Variants in BNC2 observed in about 807,000 individuals in gnomAD.
The protein encoded by BNC2 is zinc finger protein basonuclin-2.
A neutral mutation model predicts 76.3 loss-of-function variants in BNC2; 20 were observed. The ratio of observed to expected loss-of-function variants is 0.26; its 90% CI spans 0.18 to 0.38. The LOEUF is 0.38. Ranked by LOEUF, BNC2 falls within the 10% of genes least tolerant of loss-of-function variation. BNC2 has a pLI of 1.00. For synonymous variants in BNC2, 582 were observed against 514.8 expected (o/e 1.13, Z -1.77); for missense variants, 1,382 against 1,399.8 (o/e 0.99, Z 0.20).
chr9:16,503,143 G>C (rs1459259157), intron 5 of BNC2, among the ~76,000 whole-genome samples: 1 of 152,160 alleles, frequency 6.6e-6, no homozygotes, highest in East Asian at 1.9e-4. Flanking sequence ...AAGAATATAA[G>C]AGGAAAAACA....
rs2119000504 is a variant in BNC2, at chr9:16,417,669, G to A, written c.*1320C>T. On this transcript the variant is annotated 3_prime_UTR_variant, in exon 7 of 7. Coordinates refer to ENST00000380672, the MANE Select transcript of BNC2 (RefSeq NM_017637.6). ...AGAGGATTTCTTTTTAAAGGATAAG[G>A]GTTAGGGCCTTGGAAATGAGTGTTC... 1 of 152,684 alleles carries A rather than the reference G, an allele frequency of 6.5e-6. No homozygotes were observed. The highest frequency in any genetic ancestry group is 1.9e-4 in the East Asian group (1 of 5,190). The allele number at this position is 152,684 out of a possible 1,614,324, so 9.5% of individuals were successfully genotyped here.
chr9:16,435,745 G>A lies in BNC2; in HGVS notation c.2449C>T (p.Pro817Ser). ...SFTSSLNYGS[P>S]QKFSPEGDLC... is the part of the protein sequence containing the mutation. The stretch of plus-strand genomic sequence containing the variant: ...TCACCTTCTGGGGAGAACTTTTGAG[G>A]GCTGCCATAATTCAGAGACGATGTA... The change falls in exon 6 of 7, where the codon CCT (proline) becomes TCT (serine). Residue 817 changes from proline to serine, a missense_variant. Pro to Ser is a moderately conservative substitution (Grantham distance 74). Coordinates refer to ENST00000380672, the MANE Select transcript of BNC2 (RefSeq NM_017637.6). The A allele has an allele frequency of 6.2e-7, 1 of 1,614,044 alleles. No homozygotes were observed. The highest frequency in any genetic ancestry group is 1.1e-5 in the South Asian group (1 of 91,052).
chr9:16,734,287 C>T (rs767995875), intron 2 of BNC2, among the ~76,000 whole-genome samples: 2 of 152,136 alleles, frequency 1.3e-5, no homozygotes, highest in African/African-American at 2.4e-5. Context: ...TCTTTGGAAA[C>T]GCCTATATTC....
chr9:16,571,650 G>A (rs377270497), intron 4 of BNC2, among the ~76,000 whole-genome samples: 4 of 151,932 alleles, frequency 2.6e-5, no homozygotes, highest in African/African-American at 9.7e-5. Context: ...TCAGCACCCC[G>A]AGATAATAAC....
chr9:16,433,963 T>C (rs561683530), intron 6 of BNC2, among the ~76,000 whole-genome samples: 11 of 152,300 alleles, frequency 7.2e-5, no homozygotes, highest in African/African-American at 2.6e-4. Flanking sequence ...TACTGACAAC[T>C]TGGAGGAGGT....
intron 3 of BNC2, among the ~76,000 whole-genome samples, chr9:16,616,778 GGGGA>G (rs1820710712): frequency 2.6e-5 from 2 of 77,436 alleles, no homozygotes; most frequent in African/African-American, 9.6e-5. Flanking sequence ...TGGGAGGGGA[GGGGA>G]GGAAGGAGGG....
intron 1 of BNC2, among the ~76,000 whole-genome samples, chr9:16,854,212 T>G (rs1276784803): frequency 6.6e-6 from 1 of 152,230 alleles, no homozygotes; most frequent in Non-Finnish European, 1.5e-5. Flanking sequence ...AAAATGACAC[T>G]AATTGGGAAG....
At chr9:16,607,135 T>C (rs112079783) in intron 3 of BNC2, among the ~76,000 whole-genome samples, 2 of 151,722 alleles carry the variant, frequency 1.3e-5, no homozygotes, top group Non-Finnish European at 2.9e-5. Context: ...AAAAAAAATT[T>C]ATAGAAACAG....
intron 1 of BNC2, among the ~76,000 whole-genome samples, chr9:16,824,507 C>T (rs1254771380): frequency 6.6e-6 from 1 of 152,114 alleles, no homozygotes; most frequent in African/African-American, 2.4e-5. Context: ...GCCCTGTTCT[C>T]CCAAACTGTT....
chr9:16,663,436 T>C (rs1822173478), intron 3 of BNC2, among the ~76,000 whole-genome samples: 1 of 152,072 alleles, frequency 6.6e-6, no homozygotes, highest in Admixed American at 6.6e-5. Flanking sequence ...CCCACTCTGT[T>C]TTCAAACTAA....
chr9:16,656,856 A>AT (rs1358313751), intron 3 of BNC2, among the ~76,000 whole-genome samples: 1 of 152,208 alleles, frequency 6.6e-6, no homozygotes, highest in Non-Finnish European at 1.5e-5. Flanking sequence ...TTACAAGATT[A>AT]GAGGCACTGG....
Position 16,663,516 on chromosome 9 carries a change from T to C in BNC2, c.330+64281A>G, listed in dbSNP as rs1822175903. On this transcript the variant is annotated intron_variant, in intron 3 of 6. Transcript: ENST00000380672. ...CCAGCTCTGTGATTCTGGACTATAC[T>C]ATAAAAAGAAGGGACTGAACTTCAT... is the stretch of plus-strand genomic sequence containing the variant. Among the ~76,000 whole-genome samples, 5 of 152,180 alleles carry C rather than the reference T, an allele frequency of 3.3e-5. No individual in the cohort carries two copies. In the South Asian group the frequency reaches 1.0e-3, roughly 31 times the overall value.
chr9:16,792,311 G>C (rs538790393), intron 1 of BNC2, among the ~76,000 whole-genome samples: 1 of 152,294 alleles, frequency 6.6e-6, no homozygotes, highest in South Asian at 2.1e-4. Flanking sequence ...TGTAAGCAGT[G>C]AAGTCAGGAT....
intron 1 of BNC2, among the ~76,000 whole-genome samples, chr9:16,751,326 CT>C (rs543240725): frequency 2.7e-5 from 4 of 149,970 alleles, no homozygotes; most frequent in Non-Finnish European, 4.4e-5. Flanking sequence ...TAAATGTAAA[CT>C]AAGGAGCTCA....
At chr9:16,661,367 C>A (rs957507011) in intron 3 of BNC2, among the ~76,000 whole-genome samples, 1 of 152,186 alleles carries the variant, frequency 6.6e-6, no homozygotes, top group African/African-American at 2.4e-5. Flanking sequence ...CATGTACCAC[C>A]TGCCCTTACT....
chr9:16,840,597 A>G (rs1203825689), intron 1 of BNC2, among the ~76,000 whole-genome samples: 1 of 152,206 alleles, frequency 6.6e-6, no homozygotes, highest in Non-Finnish European at 1.5e-5. Context: ...AACACTATAC[A>G]GTTTTGTCAC....
chr9:16,738,254 T>A (rs1824736173), intron 2 of BNC2, 106 bp downstream of exon 2: 12 of 1,281,462 alleles, frequency 9.4e-6, no homozygotes, highest in Non-Finnish European at 1.3e-5. Flanking sequence ...TGAAAGACAG[T>A]AAAAGAGTGG....
At chr9:16,635,371 T>C (rs1328031992) in intron 3 of BNC2, among the ~76,000 whole-genome samples, 1 of 152,240 alleles carries the variant, frequency 6.6e-6, no homozygotes, top group Non-Finnish European at 1.5e-5. Flanking sequence ...TTTATAATTT[T>C]ATGTATTTTT....
chr9:16,529,742 A>C (rs976081989), intron 5 of BNC2, among the ~76,000 whole-genome samples: 1 of 152,176 alleles, frequency 6.6e-6, no homozygotes, highest in African/African-American at 2.4e-5. Flanking sequence ...AAGGATGAAA[A>C]GTTTCATCCT....
Sources: gnomAD v4.1 joint callset for allele counts (sites outside exome capture counted in the v4.1 genomes callset) on GRCh38, gnomAD v4.1.1 for gene constraint, MANE v1.5 for transcripts, NCBI Gene and HGNC (gene_info 2026-07-23, HGNC 2026-07-21) for gene names.